The following ZNF469 variants were observed in gnomAD, a reference collection of about 807,000 sequenced individuals.
ZNF469 encodes the protein zinc finger protein 469.
In ZNF469, 1 loss-of-function variant was observed where a neutral mutation model predicts 1.0. That is an observed-to-expected ratio of 1.00 (90% CI 0.35 to 4.73). The LOEUF (loss-of-function observed/expected upper bound fraction) is 4.73. Ranked by LOEUF, ZNF469 falls within the 30% of genes most tolerant of loss-of-function variation. The probability of loss-of-function intolerance (pLI) is 0.16; values close to 1 mark genes in which losing one functional copy is unlikely to be tolerated. For missense variants in ZNF469, 6,100 were observed against 5,356.3 expected, an observed-to-expected ratio of 1.14 and a Z score of -4.33; for synonymous variants, 2,703 against 2,363.4, an observed-to-expected ratio of 1.14 and a Z score of -4.17.
chr16:88,261,768 C>T, the ZNF469 span, among the ~76,000 whole-genome samples: 11 of 152,304 alleles, frequency 7.2e-5, no homozygotes, highest in East Asian at 3.9e-4. This position sits in a 1 kb window ranked among gnomAD's most constrained non-coding sequence, Gnocchi z 6.0. Context: ...CTCCCCTTCC[C>T]GTGGCTGTGG....
At chr16:88,242,518 C>T in the ZNF469 span, among the ~76,000 whole-genome samples, 3 of 152,184 alleles carry the variant, frequency 2.0e-5, no homozygotes, top group African/African-American at 7.2e-5. Flanking sequence ...CCCAGATGAC[C>T]TCATGCTACC....
chr16:88,261,675 C>A, the ZNF469 span, among the ~76,000 whole-genome samples: 1 of 152,212 alleles, frequency 6.6e-6, no homozygotes, highest in Non-Finnish European at 1.5e-5. This position sits in a 1 kb window ranked among gnomAD's most constrained non-coding sequence, Gnocchi z 6.0. Context: ...GAAAGTCCAC[C>A]AGCCGCTCCT....
chr16:88,380,986 TCA>T (rs1203717831), upstream of ZNF469, among the ~76,000 whole-genome samples: 37 of 86,862 alleles, frequency 4.3e-4, no homozygotes, highest in Middle Eastern at 0.012. Context: ...ACATATGCAC[TCA>T]CACAGACATG....
Position 88,424,719 on chromosome 16 carries a change from C to T in ZNF469, c.-191-88C>T, listed in dbSNP as rs1402236987. 3.9e-5 allele frequency among the ~76,000 whole-genome samples: 6 copies of T among 152,104 alleles called. No individual in the cohort carries two copies. Among genetic ancestry groups the T allele is most frequent in the African/African-American group, 1.4e-4 (6 of 41,408 alleles). On this transcript the variant is annotated intron_variant, in intron 1 of 2. Coordinates refer to ENST00000565624, the MANE Select transcript of ZNF469 (RefSeq NM_001367624.2). This position sits in a 1 kb window ranked among gnomAD's most constrained non-coding sequence, Gnocchi z 4.3. The stretch of plus-strand genomic sequence containing the variant: ...GCCACAGCCGGCTCTGCCCAGGAGC[C>T]GCTCCCTCCCACCTGGCTTCTCCTC...
At chr16:88,126,112 C>G in the ZNF469 span, among the ~76,000 whole-genome samples, 2 of 145,002 alleles carry the variant, frequency 1.4e-5, no homozygotes, top group African/African-American at 2.6e-5. Context: ...TTGCTTGAAC[C>G]TGGGAGGCAG....
chr16:88,374,131 G>A, the ZNF469 span, among the ~76,000 whole-genome samples: 3 of 152,226 alleles, frequency 2.0e-5, no homozygotes, highest in African/African-American at 7.2e-5. Flanking sequence ...CCCTGCATGG[G>A]GTTAGGCACT....
the ZNF469 span, among the ~76,000 whole-genome samples, chr16:88,208,797 ACACACACTCTCTCTCTCT>A: frequency 4.2e-3 from 295 of 71,070 alleles, 1 homozygote; most frequent in African/African-American, 0.011. Flanking sequence ...ACACACACAC[ACACACACTCTCTCTCTCT>A]CTCTCTCTCT....
At chr16:88,344,421 T>C in the ZNF469 span, among the ~76,000 whole-genome samples, 1 of 152,228 alleles carries the variant, frequency 6.6e-6, no homozygotes, top group Non-Finnish European at 1.5e-5. Context: ...GCAACCTTCA[T>C]GTACATCTTC....
At chr16:88,293,259 C>T in the ZNF469 span, among the ~76,000 whole-genome samples, 29 of 148,488 alleles carry the variant, frequency 2.0e-4, no homozygotes, top group Middle Eastern at 3.6e-3. Context: ...GGTAGATGGA[C>T]AGGAAGATGG....
chr16:88,243,131 C>T, the ZNF469 span, among the ~76,000 whole-genome samples: 5 of 152,206 alleles, frequency 3.3e-5, no homozygotes, highest in African/African-American at 1.2e-4. Flanking sequence ...AAGTGGCTCA[C>T]GAGGCTGGAA....
the ZNF469 span, among the ~76,000 whole-genome samples, chr16:88,165,013 C>G: frequency 3.0e-4 from 46 of 152,288 alleles, no homozygotes; most frequent in African/African-American, 1.1e-3. Flanking sequence ...TTTATCCCCC[C>G]ACAGGTGGTG....
the ZNF469 span, among the ~76,000 whole-genome samples, chr16:88,189,873 T>G: frequency 6.6e-6 from 1 of 152,114 alleles, no homozygotes; most frequent in Non-Finnish European, 1.5e-5. The surrounding 1 kb of genome is among the most constrained non-coding windows in gnomAD (Gnocchi z 4.3). Context: ...GAGCCGAGAT[T>G]GCACCACTGC....
upstream of ZNF469, among the ~76,000 whole-genome samples, chr16:88,379,199 G>A (rs2092515372): frequency 6.6e-6 from 1 of 152,208 alleles, no homozygotes; most frequent in South Asian, 2.1e-4. Flanking sequence ...CCCCGAGGTT[G>A]ATCAGTAGCA....
chr16:88,436,712 C>G lies in ZNF469; in HGVS notation c.9242C>G (p.Thr3081Arg), dbSNP rs1002115521. ...PGPSFLDFEG[T>R]ASSQGPQSRR... ...CCCAGCTTCTTAGACTTCGAGGGCA[C>G]GGCGAGCTCACAGGGGCCACAGAGC... The change falls in exon 3 of 3, where the codon ACG becomes AGG. Residue 3081 changes from threonine to arginine, a missense_variant. Transcript: ENST00000565624. 3 of 1,549,258 alleles carry G rather than the reference C, an allele frequency of 1.9e-6. No homozygotes were observed. The highest frequency in any genetic ancestry group is 2.4e-5 in the East Asian group (1 of 40,894).
chr16:88,234,106 AGAG>A, the ZNF469 span, among the ~76,000 whole-genome samples: 3 of 152,228 alleles, frequency 2.0e-5, no homozygotes, highest in Non-Finnish European at 2.9e-5. Flanking sequence ...TTCTGAACCC[AGAG>A]GAGAAGCCCT....
At chr16:88,122,799 A>G in the ZNF469 span, among the ~76,000 whole-genome samples, 2 of 151,910 alleles carry the variant, frequency 1.3e-5, no homozygotes, top group Admixed American at 6.6e-5. Context: ...ATGTGTATAT[A>G]TATGTATATA....
At chr16:88,254,229 G>C in the ZNF469 span, among the ~76,000 whole-genome samples, 8 of 152,160 alleles carry the variant, frequency 5.3e-5, no homozygotes, top group Admixed American at 5.2e-4. Flanking sequence ...CCTTCCACGT[G>C]ATCGCCAATT....
chr16:88,416,770 C>G (rs1463927466), intron 1 of ZNF469, among the ~76,000 whole-genome samples: 1 of 152,208 alleles, frequency 6.6e-6, no homozygotes, highest in Non-Finnish European at 1.5e-5. Flanking sequence ...ACCACGCACC[C>G]TTCGCCCTTC....
At chr16:88,345,357 C>T in the ZNF469 span, among the ~76,000 whole-genome samples, 5 of 152,196 alleles carry the variant, frequency 3.3e-5, no homozygotes, top group African/African-American at 7.2e-5. Context: ...ATCAAAAAAC[C>T]AGATTTTTAA....
Sources: gnomAD v4.1 joint callset for allele counts (sites outside exome capture counted in the v4.1 genomes callset) on GRCh38, gnomAD v4.1.1 for gene constraint, Gnocchi (gnomAD v3.1) non-coding constraint, MANE v1.5 for transcripts, NCBI Gene and HGNC (gene_info 2026-07-23, HGNC 2026-07-21) for gene names.